The following SLC24A2 variants were observed in gnomAD, a reference collection of about 807,000 sequenced individuals.
The protein encoded by SLC24A2 is solute carrier family 24 member 2, also known as sodium/potassium/calcium exchanger 2.
In SLC24A2, 36 loss-of-function variants were observed where a neutral mutation model predicts 62.0. That is an observed-to-expected ratio of 0.58 (90% CI 0.44 to 0.77). The LOEUF (loss-of-function observed/expected upper bound fraction) is 0.77. SLC24A2 is among the 30% of genes least tolerant of loss of function. The pLI is 0.00. For synonymous variants in SLC24A2, 358 were observed against 294.0 expected, an observed-to-expected ratio of 1.22 and a Z score of -2.23; for missense variants, 846 against 817.9, an observed-to-expected ratio of 1.03 and a Z score of -0.42.
At chr9:20,150,397 T>A in the SLC24A2 span, among the ~76,000 whole-genome samples, 1 of 151,956 alleles carries the variant, frequency 6.6e-6, no homozygotes, top group African/African-American at 2.4e-5. Context: ...CTGTGACCTA[T>A]CAAGAAAACT....
chr9:19,548,571 C>T (rs1020003940), intron 8 of SLC24A2, among the ~76,000 whole-genome samples: 1 of 152,172 alleles, frequency 6.6e-6, no homozygotes, highest in African/African-American at 2.4e-5. Context: ...ATCCTCTTGC[C>T]AATCTGAGTT....
chr9:20,037,049 C>G, the SLC24A2 span, among the ~76,000 whole-genome samples: 1 of 152,044 alleles, frequency 6.6e-6, no homozygotes, highest in South Asian at 2.1e-4. Context: ...GTGACCATCA[C>G]CACATCCAGC....
chr9:20,063,986 C>A, the SLC24A2 span, among the ~76,000 whole-genome samples: 1,239 of 152,174 alleles, frequency 8.1e-3, 24 homozygotes, highest in African/African-American at 0.029. Flanking sequence ...AAGAATCTAC[C>A]TGAGAAATAA....
At chr9:19,928,476 GAA>G in the SLC24A2 span, 3 of 152,194 alleles carry the variant, frequency 2.0e-5, no homozygotes, top group Non-Finnish European at 4.4e-5. Context: ...GTGACCTTGA[GAA>G]AGTCACTCAA....
At chr9:20,290,674 C>T in the SLC24A2 span, among the ~76,000 whole-genome samples, 2 of 152,172 alleles carry the variant, frequency 1.3e-5, no homozygotes, top group South Asian at 4.1e-4. Flanking sequence ...AGGGACAAAT[C>T]GTTTTTGATG....
the SLC24A2 span, among the ~76,000 whole-genome samples, chr9:20,117,251 T>C: frequency 6.6e-6 from 1 of 152,130 alleles, no homozygotes; most frequent in Non-Finnish European, 1.5e-5. Flanking sequence ...AATAAAGAAG[T>C]ATGTTCTTTT....
the SLC24A2 span, among the ~76,000 whole-genome samples, chr9:20,204,746 T>TC: frequency 3.3e-5 from 5 of 150,392 alleles, no homozygotes; most frequent in African/African-American, 1.2e-4. Flanking sequence ...GTATAACTTT[T>TC]TTTTTTTTTT....
At chr9:20,303,429 C>G in the SLC24A2 span, among the ~76,000 whole-genome samples, 1 of 152,150 alleles carries the variant, frequency 6.6e-6, no homozygotes, top group Admixed American at 6.5e-5. Flanking sequence ...CTTTGATAAT[C>G]AACAAATTTA....
intron 2 of SLC24A2, among the ~76,000 whole-genome samples, chr9:19,770,237 T>A (rs73646147): frequency 0.012 from 1,891 of 151,962 alleles, 50 homozygotes; most frequent in African/African-American, 0.043. Context: ...TGGCATCTAT[T>A]TGGCCGTTCA....
intron 2 of SLC24A2, among the ~76,000 whole-genome samples, chr9:19,684,024 T>A (rs899291260): frequency 2.0e-5 from 3 of 152,100 alleles, no homozygotes; most frequent in African/African-American, 7.2e-5. Context: ...TTGTAAGGAA[T>A]GGGGAACTCA....
At chr9:20,212,538 C>G in the SLC24A2 span, among the ~76,000 whole-genome samples, 1 of 151,676 alleles carries the variant, frequency 6.6e-6, no homozygotes, top group Non-Finnish European at 1.5e-5. Context: ...GTAATCCCAG[C>G]TACTCGGGAG....
At chr9:20,097,295 G>A in the SLC24A2 span, among the ~76,000 whole-genome samples, 1 of 152,134 alleles carries the variant, frequency 6.6e-6, no homozygotes, top group Admixed American at 6.5e-5. Flanking sequence ...ATATCTTGAG[G>A]TGAATTCTGA....
chr9:19,665,869 AT>A (rs1384954537), intron 2 of SLC24A2, among the ~76,000 whole-genome samples: 1 of 151,974 alleles, frequency 6.6e-6, no homozygotes, highest in African/African-American at 2.4e-5. Context: ...CCCAGACTCC[AT>A]GTGGTCCTGA....
the SLC24A2 span, among the ~76,000 whole-genome samples, chr9:19,819,480 C>T: frequency 4.6e-5 from 7 of 151,846 alleles, no homozygotes; most frequent in South Asian, 4.2e-4. Flanking sequence ...GAATCTATGA[C>T]GAACTCAAAC....
chr9:20,041,153 C>T, the SLC24A2 span, among the ~76,000 whole-genome samples: 6 of 151,878 alleles, frequency 4.0e-5, no homozygotes, highest in South Asian at 2.1e-4. Context: ...TGTGTGTACG[C>T]GTGCGCGCGT....
At chr9:19,597,097 G>T in intron 5 of SLC24A2, 132 bp downstream of exon 5, 1 of 689,332 alleles carries the variant, frequency 1.5e-6, no homozygotes, top group Non-Finnish European at 2.6e-6. Context: ...AGACAAAAAT[G>T]CAGAAAGAAT....
chr9:19,547,602 G>A (rs1175668054), intron 8 of SLC24A2, among the ~76,000 whole-genome samples: 4 of 147,668 alleles, frequency 2.7e-5, no homozygotes, highest in Non-Finnish European at 4.4e-5. Flanking sequence ...TCCCAATTCT[G>A]AGAGTCAAGG....
At chr9:19,923,414 C>T in the SLC24A2 span, among the ~76,000 whole-genome samples, 1 of 152,140 alleles carries the variant, frequency 6.6e-6, no homozygotes, top group Non-Finnish European at 1.5e-5. Context: ...ATGGAGGAGG[C>T]ATGGTATCCA....
chr9:19,751,483 C>T (rs972794073), intron 2 of SLC24A2, among the ~76,000 whole-genome samples: 2 of 152,114 alleles, frequency 1.3e-5, no homozygotes, highest in Non-Finnish European at 2.9e-5. Flanking sequence ...GGGCTGGGAC[C>T]TGGAGGATCC....
Sources: allele counts gnomAD v4.1 joint callset (sites outside exome capture counted in the v4.1 genomes callset), GRCh38; gene constraint gnomAD v4.1.1; transcripts MANE v1.5; gene names NCBI Gene and HGNC (gene_info 2026-07-23, HGNC 2026-07-21).